MRAS: variants seen among roughly 807,000 people sequenced by gnomAD.
MRAS encodes muscle RAS oncogene homolog, also known as ras-related protein M-Ras.
In MRAS, 4 loss-of-function variants were observed where a neutral mutation model predicts 20.9. That is an observed-to-expected ratio of 0.19 (90% CI 0.09 to 0.44). The LOEUF (loss-of-function observed/expected upper bound fraction) is 0.44, where lower values mean the gene tolerates loss of function less well. Among genes scored for constraint, MRAS ranks in the 20% least tolerant of loss-of-function variants. MRAS has a pLI of 0.99. For synonymous variants in MRAS, 98 were observed against 102.9 expected (o/e 0.95, Z 0.29); for missense variants, 154 against 277.5 (o/e 0.56, Z 3.16).
chr3:138,401,373 A>C (rs2055356415), intron 5 of MRAS, among the ~76,000 whole-genome samples: 1 of 152,038 alleles, frequency 6.6e-6, no homozygotes. Context: ...AACCCCCACT[A>C]TACACACATG....
At chr3:138,379,445 C>A (rs1056338851) in intron 2 of MRAS, among the ~76,000 whole-genome samples, 1 of 151,636 alleles carries the variant, frequency 6.6e-6, no homozygotes, top group African/African-American at 2.4e-5. Context: ...GCAACCTCCC[C>A]CTCCCGGGTT....
chr3:138,389,488 G>A (rs2055084299), intron 2 of MRAS, among the ~76,000 whole-genome samples: 1 of 149,648 alleles, frequency 6.7e-6, no homozygotes, highest in Non-Finnish European at 1.5e-5. Context: ...GAAGGCGGCT[G>A]GGACAGCCAG....
chr3:138,359,632 C>G (rs979582422), intron 1 of MRAS, among the ~76,000 whole-genome samples: 3 of 152,346 alleles, frequency 2.0e-5, no homozygotes, highest in Non-Finnish European at 2.9e-5. Flanking sequence ...CTCCACCTCT[C>G]TGGGCTCTGA....
At chr3:138,372,757 A>C in intron 1 of MRAS, 109 bp from the exon 2 acceptor site, 1 of 800,154 alleles carries the variant, frequency 1.2e-6, no homozygotes, top group Non-Finnish European at 1.8e-6. Context: ...TTCATTTTCA[A>C]ACCTCTTTAT....
chr3:138,364,674 G>T (rs1174598483), intron 1 of MRAS, among the ~76,000 whole-genome samples: 1 of 152,234 alleles, frequency 6.6e-6, no homozygotes, highest in Non-Finnish European at 1.5e-5. Context: ...TTTCACAGCA[G>T]CTTGGTGCCC....
intron 1 of MRAS, among the ~76,000 whole-genome samples, chr3:138,362,281 T>C (rs1051152241): frequency 5.3e-5 from 8 of 152,182 alleles, no homozygotes; most frequent in African/African-American, 1.9e-4. Context: ...TGTTTTCATT[T>C]TGCAACTTGC....
chr3:138,369,833 A>T (rs1389753524), intron 1 of MRAS, among the ~76,000 whole-genome samples: 1 of 152,070 alleles, frequency 6.6e-6, no homozygotes, highest in Non-Finnish European at 1.5e-5. Flanking sequence ...TCCCCAAGTG[A>T]TTTGGCTGTG....
At chr3:138,347,655 CA>C (rs1279609023), upstream of MRAS, 2 of 152,098 alleles carry the variant, frequency 1.3e-5, no homozygotes, top group Non-Finnish European at 2.9e-5. Context: ...TGCAGTAGCG[CA>C]ATCTCGGCTC....
intron 2 of MRAS, among the ~76,000 whole-genome samples, chr3:138,373,751 G>A (rs1360000564): frequency 6.6e-6 from 1 of 152,144 alleles, no homozygotes; most frequent in Non-Finnish European, 1.5e-5. Context: ...GTGAGTTTTA[G>A]CATCAGTTAA....
intron 1 of MRAS, among the ~76,000 whole-genome samples, chr3:138,372,072 G>T (rs546396795): frequency 6.6e-6 from 1 of 152,038 alleles, no homozygotes; most frequent in African/African-American, 2.4e-5. Flanking sequence ...TTCTTCACTG[G>T]GGGGGACTGC....
chr3:138,394,101 GAA>G (rs11299268), intron 2 of MRAS, among the ~76,000 whole-genome samples: 2 of 144,660 alleles, frequency 1.4e-5, no homozygotes, highest in Admixed American at 6.9e-5. Context: ...TTTTTTCTAA[GAA>G]AAAAAAAAGC....
intron 4 of MRAS, among the ~76,000 whole-genome samples, chr3:138,398,888 A>G (rs1237761632): frequency 6.6e-6 from 1 of 152,206 alleles, no homozygotes; most frequent in Non-Finnish European, 1.5e-5. Flanking sequence ...AACCTGGGCC[A>G]TTACTGAGCC....
intron 1 of MRAS, among the ~76,000 whole-genome samples, chr3:138,368,260 A>G (rs1048704070): frequency 2.6e-5 from 4 of 152,158 alleles, no homozygotes; most frequent in African/African-American, 4.8e-5. Context: ...GAGGCTGGGA[A>G]TGAGAGAGAG....
intron 2 of MRAS, among the ~76,000 whole-genome samples, chr3:138,393,413 G>A (rs2055170038): frequency 6.6e-6 from 1 of 152,100 alleles, no homozygotes; most frequent in Non-Finnish European, 1.5e-5. Context: ...ACCACTGTTT[G>A]TAGTATCACT....
chr3:138,389,894 C>T (rs899593325), intron 2 of MRAS, among the ~76,000 whole-genome samples: 4 of 151,716 alleles, frequency 2.6e-5, no homozygotes, highest in South Asian at 2.1e-4. Context: ...GGGCCACTGT[C>T]GGAGCCCCTG....
chr3:138,382,195 T>A (rs965499914), intron 2 of MRAS, among the ~76,000 whole-genome samples: 4 of 152,232 alleles, frequency 2.6e-5, no homozygotes, highest in Non-Finnish European at 4.4e-5. Context: ...TTGTCCCTGC[T>A]GCATCAGCCA....
chr3:138,381,314 A>G (rs929844552), intron 2 of MRAS, among the ~76,000 whole-genome samples: 5 of 152,192 alleles, frequency 3.3e-5, no homozygotes, highest in Admixed American at 6.5e-5. Flanking sequence ...TCACTTTACA[A>G]TTGTGGAAAC....
intron 1 of MRAS, among the ~76,000 whole-genome samples, chr3:138,360,867 CA>C (rs2054432429): frequency 6.6e-6 from 1 of 152,212 alleles, no homozygotes; most frequent in Non-Finnish European, 1.5e-5. Flanking sequence ...GTCCCACTAG[CA>C]GAGGAATGTG....
chr3:138,379,058 T>A (rs2054844848), intron 2 of MRAS, among the ~76,000 whole-genome samples: 1 of 152,214 alleles, frequency 6.6e-6, no homozygotes, highest in Non-Finnish European at 1.5e-5. Flanking sequence ...TTCTAGCTAT[T>A]TTGAAATTTG....
Sources: allele counts gnomAD v4.1 joint callset (sites outside exome capture counted in the v4.1 genomes callset), GRCh38; gene constraint gnomAD v4.1.1; transcripts MANE v1.5; gene names NCBI Gene and HGNC (gene_info 2026-07-23, HGNC 2026-07-21).